The following MTUS2 variants were observed in gnomAD, a reference collection of about 807,000 sequenced individuals.
The protein encoded by MTUS2 is microtubule associated scaffold protein 2, also known as microtubule-associated tumor suppressor candidate 2.
In MTUS2, 40 loss-of-function variants were observed where a neutral mutation model predicts 114.1. The observed-to-expected ratio is 0.35, with a 90% CI of 0.27 to 0.46. MTUS2 has a LOEUF of 0.46. Among genes scored for constraint, MTUS2 ranks in the 20% least tolerant of loss-of-function variants. The probability of loss-of-function intolerance (pLI) is 1.00; values close to 1 mark genes in which losing one functional copy is unlikely to be tolerated. For synonymous variants in MTUS2, 688 were observed against 672.0 expected, an observed-to-expected ratio of 1.02 and a Z score of -0.37; for missense variants, 1,679 against 1,705.4, an observed-to-expected ratio of 0.98 and a Z score of 0.27.
At chr13:28,974,135 C>T (rs951336732) in intron 2 of MTUS2, among the ~76,000 whole-genome samples, 6 of 152,122 alleles carry the variant, frequency 3.9e-5, no homozygotes, top group East Asian at 1.9e-4. Context: ...GCTAACTGGA[C>T]GGTGAGTAGT....
chr13:28,902,967 G>A (rs532020345), intron 2 of MTUS2, among the ~76,000 whole-genome samples: 12 of 152,156 alleles, frequency 7.9e-5, no homozygotes, highest in African/African-American at 2.9e-4. Context: ...CTTTTTGGGA[G>A]GTTTTTACCT....
chr13:28,961,733 G>A (rs1028073014), intron 2 of MTUS2, among the ~76,000 whole-genome samples: 3 of 152,184 alleles, frequency 2.0e-5, no homozygotes, highest in African/African-American at 4.8e-5. Flanking sequence ...TCTAAGATAC[G>A]TAGTTTTGCA....
intron 5 of MTUS2, among the ~76,000 whole-genome samples, chr13:29,154,783 A>G (rs1251348223): frequency 6.6e-6 from 1 of 152,264 alleles, no homozygotes; most frequent in East Asian, 1.9e-4. Context: ...GCTATGACAC[A>G]GGGAAACATT....
chr13:29,182,937 A>C (rs932128530), intron 5 of MTUS2, among the ~76,000 whole-genome samples: 12 of 152,056 alleles, frequency 7.9e-5, no homozygotes, highest in African/African-American at 2.9e-4. Context: ...GCAGGGGGAG[A>C]GTAGCAGGAG....
At chr13:29,430,353 T>C (rs73444023) in intron 8 of MTUS2, among the ~76,000 whole-genome samples, 2,482 of 152,284 alleles carry the variant, frequency 0.016, 66 homozygotes, top group African/African-American at 0.056. Flanking sequence ...TTGTTTTAAA[T>C]CAAGTTCTTG....
intron 2 of MTUS2, among the ~76,000 whole-genome samples, chr13:28,889,632 A>C (rs1422881885): frequency 6.6e-6 from 1 of 152,192 alleles, no homozygotes; most frequent in Non-Finnish European, 1.5e-5. Flanking sequence ...TATGCATTTC[A>C]AAAGAAGAGG....
intron 2 of MTUS2, among the ~76,000 whole-genome samples, chr13:28,905,372 T>G (rs1235437669): frequency 6.6e-6 from 1 of 151,316 alleles, no homozygotes; most frequent in East Asian, 1.9e-4. Flanking sequence ...GTCCATTCAG[T>G]ATGATATTGG....
chr13:29,450,042 C>T (rs1233999951), intron 9 of MTUS2, among the ~76,000 whole-genome samples: 5 of 152,156 alleles, frequency 3.3e-5, no homozygotes, highest in South Asian at 2.1e-4. Flanking sequence ...CCCCCGACCA[C>T]GGTGCAGTGT....
chr13:28,892,429 G>A (rs1878987853), intron 2 of MTUS2, among the ~76,000 whole-genome samples: 1 of 151,994 alleles, frequency 6.6e-6, no homozygotes, highest in Non-Finnish European at 1.5e-5. Context: ...GCATGACTGA[G>A]GTTATCCTTT....
At chr13:28,881,925 G>GTTT in intron 2 of MTUS2, among the ~76,000 whole-genome samples, 1 of 152,194 alleles carries the variant, frequency 6.6e-6, no homozygotes, top group East Asian at 1.9e-4. Context: ...TGGCCAATTG[G>GTTT]TTTTTGACAA....
At chr13:29,313,938 A>G (rs917149444) in intron 6 of MTUS2, among the ~76,000 whole-genome samples, 2 of 152,174 alleles carry the variant, frequency 1.3e-5, no homozygotes, top group African/African-American at 4.8e-5. Context: ...GCCATGTGCC[A>G]CGTTAAAATT....
chr13:29,334,077 C>G (rs1360200941), intron 7 of MTUS2, among the ~76,000 whole-genome samples: 1 of 152,044 alleles, frequency 6.6e-6, no homozygotes, highest in East Asian at 1.9e-4. Context: ...TCCTCCATCC[C>G]TGTGTTTTGA....
chr13:29,503,097 A>G lies in MTUS2; in HGVS notation c.4001A>G (p.Gln1334Arg), dbSNP rs1208903162. The part of the protein sequence containing the change: ...RTNEELLWKL[Q>R]TGDPTSPIKL... ...AATGAAGAGCTGCTTTGGAAGCTCCAAACTGGGGACCCGACCAGTCCGATT... is the reference window on the plus strand; with the variant it reads ...AATGAAGAGCTGCTTTGGAAGCTCCGAACTGGGGACCCGACCAGTCCGATT... The change falls in exon 16 of 16, where the codon CAA becomes CGA. Residue 1334 changes from glutamine to arginine, a missense_variant. This residue lies in a region of MTUS2 where 822 missense variants were observed against 899.7 expected (regional missense o/e 0.91). Transcript: ENST00000612955. 6.2e-7 allele frequency: 1 copy of G among 1,614,256 alleles called. No homozygotes were observed. The highest frequency in any genetic ancestry group is 8.5e-7 in the Non-Finnish European group (1 of 1,180,036).
At chr13:28,995,844 T>A (rs144755001) in intron 2 of MTUS2, among the ~76,000 whole-genome samples, 2,683 of 152,240 alleles carry the variant, frequency 0.018, 82 homozygotes, top group African/African-American at 0.061. Context: ...ATCTGCAAAC[T>A]GGGACAATTT....
At chr13:29,232,582 C>G (rs759347975) in intron 5 of MTUS2, among the ~76,000 whole-genome samples, 11 of 152,180 alleles carry the variant, frequency 7.2e-5, no homozygotes, top group Non-Finnish European at 1.3e-4. Context: ...AAAATCAAAG[C>G]AGAAAGAGTT....
At chr13:29,110,854 A>G (rs1204035823) in intron 5 of MTUS2, among the ~76,000 whole-genome samples, 1 of 152,236 alleles carries the variant, frequency 6.6e-6, no homozygotes, top group Non-Finnish European at 1.5e-5. Flanking sequence ...CCCATTCAAT[A>G]TGTTTAATGA....
At chr13:28,882,689 A>G (rs778171424) in intron 2 of MTUS2, among the ~76,000 whole-genome samples, 88 of 152,304 alleles carry the variant, frequency 5.8e-4, no homozygotes, top group Non-Finnish European at 1.2e-3. Flanking sequence ...GTGAGCCATG[A>G]TTGTGCTATT....
intron 6 of MTUS2, among the ~76,000 whole-genome samples, chr13:29,292,646 A>G (rs1429538876): frequency 2.0e-5 from 3 of 152,194 alleles, no homozygotes; most frequent in Admixed American, 1.3e-4. Context: ...TTTAAATTAA[A>G]TATAGTAAGT....
chr13:29,477,822 T>G (rs1361129988), intron 9 of MTUS2, among the ~76,000 whole-genome samples: 1 of 152,146 alleles, frequency 6.6e-6, no homozygotes, highest in Non-Finnish European at 1.5e-5. Context: ...TGGACCATTT[T>G]TAACACCTTG....
Sources: allele counts gnomAD v4.1 joint callset (sites outside exome capture counted in the v4.1 genomes callset), GRCh38; gene constraint gnomAD v4.1.1; regional missense constraint gnomAD v4.1.1; transcripts MANE v1.5; gene names NCBI Gene and HGNC (gene_info 2026-07-23, HGNC 2026-07-21).